KRCC1: variants seen among roughly 807,000 people sequenced by gnomAD.
KRCC1 encodes lysine-rich coiled-coil protein 1.
KRCC1 carries 3 observed loss-of-function variants against 7.4 expected under a neutral mutation model. The ratio of observed to expected loss-of-function variants is 0.40; its 90% CI spans 0.18 to 1.04. The LOEUF is 1.04. Ranked by LOEUF, KRCC1 falls within the 50% of genes least tolerant of loss-of-function variation. The pLI, the probability that KRCC1 is intolerant of heterozygous loss-of-function variation, is 0.33. For missense variants in KRCC1, 277 were observed against 300.9 expected, an observed-to-expected ratio of 0.92 and a Z score of 0.59; for synonymous variants, 102 against 101.6, an observed-to-expected ratio of 1.00 and a Z score of -0.02.
chr2:88,044,401 C>CAAAAAAAAAAAAAA (rs10527729), intron 1 of KRCC1, among the ~76,000 whole-genome samples: 1 of 146,650 alleles, frequency 6.8e-6, no homozygotes, highest in Non-Finnish European at 1.5e-5. Flanking sequence ...CAAAAGAAAA[C>CAAAAAAAAAAAAAA]AAAAAAAAAA....
chr2:88,037,326 T>G (rs975788429), intron 1 of KRCC1, among the ~76,000 whole-genome samples: 4 of 152,222 alleles, frequency 2.6e-5, no homozygotes, highest in Non-Finnish European at 4.4e-5. Flanking sequence ...AAGCCTGGGC[T>G]AAGAAATCCA....
intron 3 of KRCC1, among the ~76,000 whole-genome samples, chr2:88,032,820 A>G (rs1046189112): frequency 6.6e-6 from 1 of 152,170 alleles, no homozygotes; most frequent in Non-Finnish European, 1.5e-5. Flanking sequence ...ATAGTGATAC[A>G]CTAGGCATAG....
intron 1 of KRCC1, among the ~76,000 whole-genome samples, chr2:88,044,271 T>C (rs917170703): frequency 1.3e-5 from 2 of 152,102 alleles, no homozygotes; most frequent in Admixed American, 1.3e-4. Context: ...AAATGGAAAC[T>C]GGCTGGGCAC....
intron 1 of KRCC1, among the ~76,000 whole-genome samples, chr2:88,049,677 T>G (rs901746264): frequency 6.7e-6 from 1 of 148,462 alleles, no homozygotes; most frequent in Non-Finnish European, 1.5e-5. Context: ...AAACAAAAAC[T>G]GAGATCAACA....
At chr2:88,041,903 G>T (rs1182434898) in intron 1 of KRCC1, among the ~76,000 whole-genome samples, 1 of 151,812 alleles carries the variant, frequency 6.6e-6, no homozygotes, top group African/African-American at 2.4e-5. Flanking sequence ...CATATTATTG[G>T]TTTCTAATGA....
At chr2:88,052,176 T>C (rs1673504708) in intron 1 of KRCC1, among the ~76,000 whole-genome samples, 2 of 152,262 alleles carry the variant, frequency 1.3e-5, no homozygotes, top group East Asian at 3.8e-4. Context: ...TAATACATTT[T>C]CTCATTTGCC....
intron 1 of KRCC1, among the ~76,000 whole-genome samples, chr2:88,045,417 G>A (rs993407804): frequency 6.6e-6 from 1 of 152,150 alleles, no homozygotes. Flanking sequence ...AGCAACACAT[G>A]CAACACGGAT....
chr2:88,043,058 T>C (rs1346370610), intron 1 of KRCC1, among the ~76,000 whole-genome samples: 2 of 152,202 alleles, frequency 1.3e-5, no homozygotes, highest in Admixed American at 6.5e-5. Context: ...TCTGATCTGT[T>C]TGTACTACAC....
intron 3 of KRCC1, among the ~76,000 whole-genome samples, chr2:88,029,854 A>ATTTT (rs11334245): frequency 5.1e-5 from 7 of 138,382 alleles, no homozygotes; most frequent in South Asian, 2.3e-4. Context: ...ATATATATAT[A>ATTTT]TTTTTTTTTT....
chr2:88,040,196 A>G (rs964975771), intron 1 of KRCC1, among the ~76,000 whole-genome samples: 1 of 152,206 alleles, frequency 6.6e-6, no homozygotes, highest in Non-Finnish European at 1.5e-5. Flanking sequence ...AGCTGAGGTA[A>G]GAAACTTGGG....
rs1673380506 is a variant in KRCC1 at position 88,047,978 on chromosome 2, G to A, written c.-291+7648C>T. ...ATAAATACACCAAATTACTGACATG[G>A]TCCTAGACTTTTCAATCTAACTCAC... On this transcript the variant is annotated intron_variant, in intron 1 of 3. Transcript: ENST00000347055. Among the ~76,000 whole-genome samples the A allele has an allele frequency of 3.3e-5, 5 of 151,984 alleles. No homozygotes were observed. In the East Asian group the frequency reaches 9.6e-4, roughly 29 times the overall value.
intron 1 of KRCC1, among the ~76,000 whole-genome samples, chr2:88,043,196 A>G (rs1673250636): frequency 6.6e-6 from 1 of 152,194 alleles, no homozygotes; most frequent in South Asian, 2.1e-4. Flanking sequence ...CTATAGGCAG[A>G]TAGGAGTAAA....
At chr2:88,047,728 C>G (rs776347220) in intron 1 of KRCC1, among the ~76,000 whole-genome samples, 2 of 152,014 alleles carry the variant, frequency 1.3e-5, no homozygotes, top group Non-Finnish European at 2.9e-5. Context: ...CGGGGTTTCA[C>G]CATGTTGCCC....
In KRCC1 at chr2:88,027,919, C is replaced by G; in HGVS notation, c.645G>C (p.Lys215Asn). Residue 215 changes from lysine to asparagine, a missense_variant, in exon 4 of 4, where the codon AAG becomes AAC. Transcript: ENST00000347055. ...ETVHVSTEKL[K>N]NRKEKKSRDV... is the part of the protein sequence containing the mutation. Reference sequence around the variant, plus strand: ...CTCGGCTTTTTTTCTCCTTTCGATTCTTAAGCTTTTCTGTACTGACATGTA... The same window carrying G: ...CTCGGCTTTTTTTCTCCTTTCGATTGTTAAGCTTTTCTGTACTGACATGTA... 6.2e-7 allele frequency: 1 copy of G among 1,613,808 alleles called. No individual in the cohort carries two copies. The highest frequency in any genetic ancestry group is 8.5e-7 in the Non-Finnish European group (1 of 1,179,962).
chr2:88,048,381 C>T (rs114622861), intron 1 of KRCC1, among the ~76,000 whole-genome samples: 5,333 of 152,146 alleles, frequency 0.035, 303 homozygotes, highest in African/African-American at 0.12. Flanking sequence ...CTGGCCTCAA[C>T]GTATTTTATT....
chr2:88,054,925 C>T (rs1673580436), intron 1 of KRCC1, among the ~76,000 whole-genome samples: 1 of 152,176 alleles, frequency 6.6e-6, no homozygotes, highest in South Asian at 2.1e-4. Context: ...GCTATGATCG[C>T]GCCACTGCAC....
At chr2:88,046,057 T>A (rs554368469) in intron 1 of KRCC1, among the ~76,000 whole-genome samples, 1 of 152,316 alleles carries the variant, frequency 6.6e-6, no homozygotes, top group East Asian at 1.9e-4. Context: ...GAGTTTAAAC[T>A]TTTTTTGGAA....
At chr2:88,046,516 A>G (rs1289461530) in intron 1 of KRCC1, among the ~76,000 whole-genome samples, 1 of 152,246 alleles carries the variant, frequency 6.6e-6, no homozygotes, top group East Asian at 1.9e-4. Context: ...AAAGACAAAT[A>G]TGGTTACCCA....
intron 1 of KRCC1, among the ~76,000 whole-genome samples, chr2:88,054,059 T>C (rs1310094290): frequency 6.6e-6 from 1 of 152,248 alleles, no homozygotes; most frequent in African/African-American, 2.4e-5. Context: ...CCTTATCTCA[T>C]GATTTGCAAC....
Sources: gnomAD v4.1 joint callset for allele counts (sites outside exome capture counted in the v4.1 genomes callset) on GRCh38, gnomAD v4.1.1 for gene constraint, MANE v1.5 for transcripts, NCBI Gene and HGNC (gene_info 2026-07-23, HGNC 2026-07-21) for gene names.